The following ZFP91 variants were observed in gnomAD, a reference collection of about 807,000 sequenced individuals.
ZFP91 encodes E3 ubiquitin-protein ligase ZFP91.
A neutral mutation model predicts 63.5 loss-of-function variants in ZFP91; 7 were observed. The ratio of observed to expected loss-of-function variants is 0.11; its 90% CI spans 0.06 to 0.21. The LOEUF (loss-of-function observed/expected upper bound fraction) is 0.21. ZFP91 is among the 10% of genes least tolerant of loss of function. The pLI, the probability that ZFP91 is intolerant of heterozygous loss-of-function variation, is 1.00. For synonymous variants in ZFP91, 330 were observed against 272.1 expected (o/e 1.21, Z -2.10); for missense variants, 628 against 736.6 (o/e 0.85, Z 1.71).
At chr11:58,580,877 A>C (rs1855101666) in intron 1 of ZFP91, among the ~76,000 whole-genome samples, 1 of 152,214 alleles carries the variant, frequency 6.6e-6, no homozygotes, top group African/African-American at 2.4e-5. Context: ...CTGCAATTAG[A>C]CTTCTAATTG....
chr11:58,585,201 A>G (rs547609567), intron 2 of ZFP91, among the ~76,000 whole-genome samples: 1 of 152,286 alleles, frequency 6.6e-6, no homozygotes, highest in African/African-American at 2.4e-5. Flanking sequence ...AAAAATTTTT[A>G]TGCTAGTAGA....
Position 58,612,746 on chromosome 11 carries a change from T to C in ZFP91, c.909-16T>C. ...TTTTTTTTTTTGCTAACTTTTCTTC[T>C]GCATTTTGATAATAGAAAAAAGCCT... is the stretch of plus-strand genomic sequence containing the variant. On this transcript the variant is annotated splice_polypyrimidine_tract_variant and intron_variant, in intron 7 of 10. Coordinates refer to ENST00000316059, the MANE Select transcript of ZFP91 (RefSeq NM_053023.5). 1 of 1,596,230 alleles carries C rather than the reference T, an allele frequency of 6.3e-7. No individual in the cohort carries two copies. Among genetic ancestry groups the C allele is most frequent in the Non-Finnish European group, 8.5e-7 (1 of 1,173,526 alleles).
chr11:58,585,450 T>C (rs1406374166), intron 2 of ZFP91, among the ~76,000 whole-genome samples: 1 of 152,240 alleles, frequency 6.6e-6, no homozygotes, highest in Non-Finnish European at 1.5e-5. Context: ...AAAATTGCCC[T>C]AACGTGTTGG....
intron 2 of ZFP91, among the ~76,000 whole-genome samples, chr11:58,599,220 G>C (rs1855455086): frequency 6.6e-6 from 1 of 151,878 alleles, no homozygotes; most frequent in South Asian, 2.1e-4. Flanking sequence ...TGGATATTTG[G>C]GTTGTTTCCA....
At chr11:58,604,089 G>A (rs1855533326) in intron 2 of ZFP91, among the ~76,000 whole-genome samples, 1 of 152,164 alleles carries the variant, frequency 6.6e-6, no homozygotes, top group Admixed American at 6.5e-5. Flanking sequence ...AAATTTTAGG[G>A]AACCAGAAGG....
chr11:58,587,303 C>G (rs1258375196), intron 2 of ZFP91, among the ~76,000 whole-genome samples: 1 of 152,140 alleles, frequency 6.6e-6, no homozygotes, highest in African/African-American at 2.4e-5. Context: ...CTATTCTAGG[C>G]ACTGGATTCT....
chr11:58,616,094 G>T (rs945663498), intron 9 of ZFP91, among the ~76,000 whole-genome samples: 2 of 152,190 alleles, frequency 1.3e-5, no homozygotes, highest in Non-Finnish European at 2.9e-5. Context: ...ACAAAGGGAG[G>T]TAGTTGAAAG....
At chr11:58,611,206 C>G in intron 5 of ZFP91, 152 bp downstream of exon 5, 2 of 584,392 alleles carry the variant, frequency 3.4e-6, no homozygotes, top group Non-Finnish European at 5.8e-6. Flanking sequence ...AGTCTAACAC[C>G]TTAATATACC....
In ZFP91 at chr11:58,620,221, A is replaced by G. The variant is rs552135965; in HGVS notation, c.*2515A>G. The G allele has an allele frequency of 1.3e-5, 2 of 152,228 alleles. No homozygotes were observed. The highest frequency in any genetic ancestry group is 4.1e-4 in the South Asian group (2 of 4,826). 9.4% of individuals were successfully genotyped at this position (152,228 alleles called of 1,614,324 possible). A position where few individuals can be genotyped will look rare whatever the true frequency, so the allele number is the denominator to read the frequency against. Reference sequence around the variant, plus strand: ...TACTAAAATATTTTTTATAGACTTTATATTTTTCCTTTTGATAAAGGGATG... The same window carrying G: ...TACTAAAATATTTTTTATAGACTTTGTATTTTTCCTTTTGATAAAGGGATG... On this transcript the variant is annotated 3_prime_UTR_variant, in exon 11 of 11. Transcript: ENST00000316059.
In ZFP91 at chr11:58,612,851, T is replaced by C; in HGVS notation, c.987+11T>C. The stretch of plus-strand genomic sequence containing the variant: ...CCTCGCTATTTGCAGGTCAGTGAAG[T>C]TGTTATATAAGAGCCTTTCAGGTTG... On this transcript the variant is annotated intron_variant, in intron 8 of 10. Coordinates refer to ENST00000316059, the MANE Select transcript of ZFP91 (RefSeq NM_053023.5). The C allele has an allele frequency of 6.2e-7, 1 of 1,605,866 alleles. No homozygotes were observed. Among genetic ancestry groups the C allele is most frequent in the African/African-American group, 1.3e-5 (1 of 74,438 alleles).
At chr11:58,579,690 G>T in intron 1 of ZFP91, 68 bp downstream of exon 1, 3 of 1,387,862 alleles carry the variant, frequency 2.2e-6, no homozygotes, top group Admixed American at 2.8e-5. Flanking sequence ...CTCGGCTCCC[G>T]TAGCGCCTAC....
At chr11:58,599,399 T>C (rs973320277) in intron 2 of ZFP91, among the ~76,000 whole-genome samples, 1 of 152,118 alleles carries the variant, frequency 6.6e-6, no homozygotes, top group African/African-American at 2.4e-5. Flanking sequence ...ACTGTTTTCT[T>C]AGGTTTTCCA....
intron 5 of ZFP91, chr11:58,611,392 T>C: frequency 9.9e-6 from 6 of 608,198 alleles, no homozygotes; most frequent in Non-Finnish European, 1.6e-5. Context: ...TACAGGCATC[T>C]TTAGTCTGGG....
At chr11:58,606,891 T>C (rs942132173) in intron 2 of ZFP91, among the ~76,000 whole-genome samples, 9 of 152,198 alleles carry the variant, frequency 5.9e-5, no homozygotes, top group African/African-American at 1.9e-4. Context: ...GTTCATGATA[T>C]GTGTTTATTT....
intron 1 of ZFP91, among the ~76,000 whole-genome samples, chr11:58,583,535 G>A (rs1855153642): frequency 6.6e-6 from 1 of 152,022 alleles, no homozygotes; most frequent in South Asian, 2.1e-4. Context: ...CTTTGGAGAA[G>A]CCTTCAGTTG....
rs374212280 is a variant in ZFP91, at chr11:58,607,494, CAGAT to C, written c.371-2333_371-2330del. 5.4e-3 allele frequency among the ~76,000 whole-genome samples: 820 copies of C among 151,988 alleles called. 3 individuals carry two copies. Among genetic ancestry groups the C allele is most frequent in the Non-Finnish European group, 9.9e-3 (673 of 67,960 alleles). On this transcript the variant is annotated intron_variant, in intron 2 of 10. Coordinates refer to ENST00000316059, the MANE Select transcript of ZFP91 (RefSeq NM_053023.5). ...TTTTATTTTTTCTATTAAAATAGCT[CAGAT>C]AGGAGGGTGATGCAATAATGAATGG... is the stretch of plus-strand genomic sequence containing the variant.
chr11:58,586,538 G>T (rs181518798), intron 2 of ZFP91, among the ~76,000 whole-genome samples: 1 of 152,216 alleles, frequency 6.6e-6, no homozygotes, highest in East Asian at 1.9e-4. Context: ...CCACTTTACT[G>T]TTTAAAGGCC....
At chr11:58,614,423 A>G in intron 9 of ZFP91, 80 bp downstream of exon 9, 8 of 1,041,898 alleles carry the variant, frequency 7.7e-6, no homozygotes, top group Non-Finnish European at 9.6e-6. Flanking sequence ...ACGTTTTTCT[A>G]ACATAAGTCT....
chr11:58,583,215 G>A (rs1855148264), intron 1 of ZFP91, among the ~76,000 whole-genome samples: 1 of 152,028 alleles, frequency 6.6e-6, no homozygotes, highest in African/African-American at 2.4e-5. Context: ...ACATGTAATA[G>A]CCCTTCATTT....
Sources: gnomAD v4.1 joint callset for allele counts (sites outside exome capture counted in the v4.1 genomes callset) on GRCh38, gnomAD v4.1.1 for gene constraint, MANE v1.5 for transcripts, NCBI Gene and HGNC (gene_info 2026-07-23, HGNC 2026-07-21) for gene names.